Variants in GPC6 observed in about 807,000 individuals in gnomAD.
GPC6 encodes the protein glypican-6.
In GPC6, 14 loss-of-function variants were observed where a neutral mutation model predicts 55.2. That is an observed-to-expected ratio of 0.25 (90% CI 0.17 to 0.40). The LOEUF is 0.40. Ranked by LOEUF, GPC6 falls within the 10% of genes least tolerant of loss-of-function variation. The probability of loss-of-function intolerance (pLI) is 1.00; values close to 1 mark genes in which losing one functional copy is unlikely to be tolerated. For synonymous variants in GPC6, 278 were observed against 259.6 expected (o/e 1.07, Z -0.68); for missense variants, 641 against 708.5 (o/e 0.90, Z 1.08).
At position 93,655,051 on chromosome 13, in the gene GPC6, T is replaced by A. The variant is rs1200858270; in HGVS notation, c.319+109630T>A. ...ATTTTTAGTAGAGATGGGGTTTTAC[T>A]GTGTTAGCCAGGATGTCTCGATCTC... is the stretch of plus-strand genomic sequence containing the variant. On this transcript the variant is annotated intron_variant, in intron 2 of 8. Coordinates refer to ENST00000377047, the MANE Select transcript of GPC6 (RefSeq NM_005708.5). 1.8e-4 allele frequency among the ~76,000 whole-genome samples: 7 copies of A among 38,164 alleles called. No homozygotes were observed. In the Admixed American group the frequency reaches 2.6e-3, roughly 14 times the overall value. 25.0% of individuals were successfully genotyped at this position (38,164 alleles called of 152,430 possible).
chr13:93,980,129 C>G (rs1247599680), intron 3 of GPC6, among the ~76,000 whole-genome samples: 1 of 152,064 alleles, frequency 6.6e-6, no homozygotes, highest in African/African-American at 2.4e-5. Context: ...ACAACACTTC[C>G]ATAAAATCCA....
At chr13:94,018,705 C>T (rs1266303255) in intron 3 of GPC6, among the ~76,000 whole-genome samples, 3 of 152,166 alleles carry the variant, frequency 2.0e-5, no homozygotes, top group South Asian at 2.1e-4. Flanking sequence ...ACCCCCCAGC[C>T]GTGGACTGTG....
rs146275665 is a variant in GPC6, at chr13:94,247,527, A to G, written c.878-38822A>G. On this transcript the variant is annotated intron_variant, in intron 4 of 8. Transcript: ENST00000377047. ...TATAATGTCAAGGAACTTTTCTTCT[A>G]TACCTAAACTGTCAAGAATTATTAT... Among the ~76,000 whole-genome samples the G allele has an allele frequency of 1.5e-3, 223 of 151,568 alleles. 1 individual carries two copies. In the East Asian group the frequency reaches 0.037, roughly 25 times the overall value.
intron 2 of GPC6, among the ~76,000 whole-genome samples, chr13:93,764,956 C>T (rs970480288): frequency 9.9e-5 from 15 of 152,114 alleles, no homozygotes; most frequent in African/African-American, 2.7e-4. Flanking sequence ...CGTGCCACCA[C>T]GTCCAGCTAA....
chr13:93,289,610 T>A (rs930238138), intron 1 of GPC6, among the ~76,000 whole-genome samples: 2 of 152,290 alleles, frequency 1.3e-5, no homozygotes, highest in African/African-American at 4.8e-5. Context: ...CAAAGATATA[T>A]GTATAGGGAA....
intron 3 of GPC6, among the ~76,000 whole-genome samples, chr13:94,024,964 A>G (rs1182865496): frequency 6.6e-6 from 1 of 152,224 alleles, no homozygotes; most frequent in Non-Finnish European, 1.5e-5. Context: ...GTAATACCTT[A>G]TATGATGTGC....
At chr13:93,803,824 TATG>T (rs1243764609) in intron 2 of GPC6, among the ~76,000 whole-genome samples, 1 of 152,130 alleles carries the variant, frequency 6.6e-6, no homozygotes, top group East Asian at 1.9e-4. Context: ...GGCAAAGAGC[TATG>T]CATCAATGAC....
chr13:93,910,457 G>A (rs896431530), intron 3 of GPC6, among the ~76,000 whole-genome samples: 3 of 152,074 alleles, frequency 2.0e-5, no homozygotes, highest in Non-Finnish European at 2.9e-5. Flanking sequence ...TACAATGTGT[G>A]TGTGGCGGGG....
intron 1 of GPC6, among the ~76,000 whole-genome samples, chr13:93,231,725 A>G (rs1192893828): frequency 2.6e-5 from 4 of 152,032 alleles, no homozygotes; most frequent in Non-Finnish European, 5.9e-5. Context: ...GGTTAGTCCA[A>G]CAAAGCTCAT....
chr13:94,287,277 C>G (rs1324550416), intron 5 of GPC6, among the ~76,000 whole-genome samples: 1 of 152,194 alleles, frequency 6.6e-6, no homozygotes, highest in Non-Finnish European at 1.5e-5. Flanking sequence ...TATATCAGTC[C>G]TTTAAACCCA....
chr13:93,846,467 G>A (rs1263000114), intron 3 of GPC6, among the ~76,000 whole-genome samples: 1 of 152,154 alleles, frequency 6.6e-6, no homozygotes, highest in Non-Finnish European at 1.5e-5. Context: ...AAAACTCAAT[G>A]GTCTATGGTA....
intron 2 of GPC6, among the ~76,000 whole-genome samples, chr13:93,632,010 G>A (rs1020282631): frequency 1.3e-5 from 2 of 152,136 alleles, no homozygotes; most frequent in South Asian, 2.1e-4. Context: ...GAGGGAAAGG[G>A]ATAAGATTCT....
rs573638500 is a variant in GPC6 at position 93,364,192 on chromosome 13, A to G, written c.160+136576A>G. 4.0e-4 allele frequency among the ~76,000 whole-genome samples: 61 copies of G among 152,196 alleles called. 1 individual carries two copies. In the South Asian group the frequency reaches 8.7e-3, roughly 22 times the overall value. On this transcript the variant is annotated intron_variant, in intron 1 of 8. Coordinates refer to ENST00000377047, the MANE Select transcript of GPC6 (RefSeq NM_005708.5). ...TTGTTGCCATTGCTTTTGGTGTTTT[A>G]GACATGAAGTCCTTGCCCATGCCTG...
intron 1 of GPC6, among the ~76,000 whole-genome samples, chr13:93,493,825 G>T (rs1429264202): frequency 2.0e-4 from 22 of 112,758 alleles, no homozygotes; most frequent in East Asian, 3.8e-4. Context: ...CCATGTAGTT[G>T]AGCGGCTTTG....
chr13:93,882,681 T>A (rs1875069264), intron 3 of GPC6, among the ~76,000 whole-genome samples: 1 of 152,074 alleles, frequency 6.6e-6, no homozygotes, highest in Non-Finnish European at 1.5e-5. Context: ...TAGAACATTT[T>A]TTAAAAGATC....
chr13:93,644,829 C>T (rs935307721), intron 2 of GPC6, among the ~76,000 whole-genome samples: 2 of 151,812 alleles, frequency 1.3e-5, no homozygotes, highest in African/African-American at 4.8e-5. Flanking sequence ...CATAAACTGA[C>T]ATTTTATTCC....
At chr13:93,926,320 C>T (rs1416618775) in intron 3 of GPC6, among the ~76,000 whole-genome samples, 4 of 152,052 alleles carry the variant, frequency 2.6e-5, no homozygotes, top group Non-Finnish European at 5.9e-5. Context: ...CACACATAAA[C>T]CATTTATCTA....
intron 1 of GPC6, among the ~76,000 whole-genome samples, chr13:93,504,415 A>G (rs1016139807): frequency 6.6e-6 from 1 of 151,252 alleles, no homozygotes; most frequent in African/African-American, 2.4e-5. Context: ...CCTTCTCCCC[A>G]CTTCTGTATG....
chr13:94,216,765 C>A (rs1264685134), intron 4 of GPC6, among the ~76,000 whole-genome samples: 1 of 152,204 alleles, frequency 6.6e-6, no homozygotes, highest in Non-Finnish European at 1.5e-5. Flanking sequence ...AGCCTTTACT[C>A]CACTCCAGCC....
Sources: allele counts gnomAD v4.1 joint callset (sites outside exome capture counted in the v4.1 genomes callset), GRCh38; gene constraint gnomAD v4.1.1; transcripts MANE v1.5; gene names NCBI Gene and HGNC (gene_info 2026-07-23, HGNC 2026-07-21).